LMO7: variants seen among roughly 807,000 people sequenced by gnomAD.
LMO7 encodes the protein LIM domain 7.
In LMO7, 120 loss-of-function variants were observed where a neutral mutation model predicts 206.5. The observed-to-expected ratio is 0.58, with a 90% confidence interval of 0.50 to 0.68. The LOEUF is 0.68. Ranked by LOEUF, LMO7 falls within the 30% of genes least tolerant of loss-of-function variation. LMO7 has a pLI of 0.00. For missense variants in LMO7, 1,959 were observed against 1,957.9 expected (o/e 1.00, Z -0.01); for synonymous variants, 706 against 681.5 (o/e 1.04, Z -0.56).
chr13:75,700,863 A>G lies in LMO7; in HGVS notation c.70-12319A>G, dbSNP rs1225217261. On this transcript the variant is annotated intron_variant, in intron 1 of 30. Coordinates refer to ENST00000377534, the MANE Select transcript of LMO7 (RefSeq NM_001306080.2). Reference sequence around the variant, plus strand: ...AAAACTTAAGAATTGTTTATTTCTGAAATCTTCCTTTTAATATTTCTGGAC... The same window carrying G: ...AAAACTTAAGAATTGTTTATTTCTGGAATCTTCCTTTTAATATTTCTGGAC... 1.4e-4 allele frequency among the ~76,000 whole-genome samples: 21 copies of G among 152,326 alleles called. No individual in the cohort carries two copies. In the East Asian group the frequency reaches 3.5e-3, roughly 25 times the overall value.
intron 1 of LMO7, among the ~76,000 whole-genome samples, chr13:75,680,094 T>C: frequency 6.6e-6 from 1 of 152,168 alleles, no homozygotes; most frequent in Admixed American, 6.5e-5. Flanking sequence ...TTCCCCTCCC[T>C]GTGTCCATGT....
chr13:75,726,482 C>T (rs1352324228), intron 2 of LMO7, among the ~76,000 whole-genome samples: 3 of 151,878 alleles, frequency 2.0e-5, no homozygotes, highest in Non-Finnish European at 2.9e-5. Context: ...TTTGCCCAGT[C>T]GTTCTGCTGC....
At chr13:75,688,061 T>C (rs1406544762) in intron 1 of LMO7, among the ~76,000 whole-genome samples, 1 of 152,186 alleles carries the variant, frequency 6.6e-6, no homozygotes, top group Non-Finnish European at 1.5e-5. Flanking sequence ...ACGTAAGATG[T>C]GCCCTTCTCC....
In LMO7 at chr13:75,843,691, T is replaced by A. The variant is rs142370068; in HGVS notation, c.4097+775T>A. 3.4e-3 allele frequency among the ~76,000 whole-genome samples: 516 copies of A among 152,298 alleles called. 7 individuals carry two copies. Among genetic ancestry groups the A allele is most frequent in the African/African-American group, 0.012 (506 of 41,562 alleles). ...TGTATCTTAAAATTTCCTAAAACATTGTTTTAATGTTTTAAAGCAATTTTT... is the reference window on the plus strand; with the variant it reads ...TGTATCTTAAAATTTCCTAAAACATAGTTTTAATGTTTTAAAGCAATTTTT... On this transcript the variant is annotated intron_variant, in intron 25 of 30. Transcript: ENST00000377534.
chr13:75,655,767 G>A (rs2139194388), intron 1 of LMO7, among the ~76,000 whole-genome samples: 1 of 151,694 alleles, frequency 6.6e-6, no homozygotes, highest in Admixed American at 6.6e-5. Context: ...GTTGTCACCT[G>A]TGTCTTCCAG....
chr13:75,856,627 G>A lies in LMO7; in HGVS notation c.4873+19G>A. 6.6e-7 allele frequency: 1 copy of A among 1,521,230 alleles called. No individual in the cohort carries two copies. Among genetic ancestry groups the A allele is most frequent in the Non-Finnish European group, 9.1e-7 (1 of 1,096,068 alleles). The allele number at this position is 1,521,230 out of a possible 1,614,324, so 94.2% of individuals were successfully genotyped here. A position where few individuals can be genotyped will look rare whatever the true frequency, so the allele number is the denominator to read the frequency against. ...TTCAAATGTAAGAGAGCAAATCAGA[G>A]AGAAAATTTCTTGCCTTTTAAGGAG... On this transcript the variant is annotated intron_variant, in intron 30 of 30. Coordinates refer to ENST00000377534, the MANE Select transcript of LMO7 (RefSeq NM_001306080.2).
chr13:75,721,724 G>A (rs898201975), intron 2 of LMO7, among the ~76,000 whole-genome samples: 2 of 152,064 alleles, frequency 1.3e-5, no homozygotes, highest in Admixed American at 6.6e-5. Flanking sequence ...TTGATTGATG[G>A]GCATTTGGGC....
At chr13:75,752,580 A>AC (rs1158310939) in intron 3 of LMO7, among the ~76,000 whole-genome samples, 1 of 151,462 alleles carries the variant, frequency 6.6e-6, no homozygotes, top group African/African-American at 2.4e-5. Flanking sequence ...CCCATCATCC[A>AC]CCCCCTTCCC....
chr13:75,742,874 G>T (rs2139216381), intron 3 of LMO7, among the ~76,000 whole-genome samples: 1 of 152,286 alleles, frequency 6.6e-6, no homozygotes, highest in Middle Eastern at 3.4e-3. Flanking sequence ...TTGACAAATG[G>T]GATGTAATTA....
At chr13:75,840,028 T>C (rs1227058936) in intron 20 of LMO7, 57 bp from the exon 21 acceptor site, 2 of 1,536,828 alleles carry the variant, frequency 1.3e-6, no homozygotes, top group African/African-American at 1.4e-5. Context: ...AATTATTTCA[T>C]AGAAATGAAG....
intron 3 of LMO7, among the ~76,000 whole-genome samples, chr13:75,739,049 G>GA: frequency 6.6e-6 from 1 of 152,262 alleles, no homozygotes; most frequent in South Asian, 2.1e-4. Flanking sequence ...CCCCATTTGT[G>GA]ACAGTTAAAA....
intron 1 of LMO7, among the ~76,000 whole-genome samples, chr13:75,688,311 A>T (rs2041182361): frequency 6.6e-6 from 1 of 152,208 alleles, no homozygotes; most frequent in South Asian, 2.1e-4. Context: ...ATTGTTAAAA[A>T]TCCTGCCATT....
intron 3 of LMO7, among the ~76,000 whole-genome samples, chr13:75,752,451 T>A (rs1344799370): frequency 6.6e-6 from 1 of 152,078 alleles, no homozygotes; most frequent in Non-Finnish European, 1.5e-5. Flanking sequence ...TTTAAAAAAA[T>A]TTATATTCAT....
chr13:75,787,930 G>A (rs1026482095), intron 4 of LMO7, among the ~76,000 whole-genome samples: 5 of 152,148 alleles, frequency 3.3e-5, no homozygotes, highest in Admixed American at 1.3e-4. Flanking sequence ...CATATCTCTT[G>A]TTTGACATAG....
intron 1 of LMO7, among the ~76,000 whole-genome samples, chr13:75,676,103 G>A (rs994837529): frequency 2.0e-5 from 3 of 152,188 alleles, no homozygotes; most frequent in Non-Finnish European, 4.4e-5. Flanking sequence ...TTAGCATCCT[G>A]CCTGGAGCGT....
At chr13:75,737,778 A>G (rs200952480) in intron 3 of LMO7, among the ~76,000 whole-genome samples, 643 of 15,234 alleles carry the variant, frequency 0.042, 18 homozygotes, top group Non-Finnish European at 0.062. Flanking sequence ...AAAATAAAAT[A>G]AAATAAAAAA....
chr13:75,776,199 AT>A (rs1566434230), intron 4 of LMO7, among the ~76,000 whole-genome samples: 12 of 107,890 alleles, frequency 1.1e-4, no homozygotes, highest in Non-Finnish European at 1.9e-4. Flanking sequence ...ATATATATAT[AT>A]ATATAACGTT....
intron 1 of LMO7, among the ~76,000 whole-genome samples, chr13:75,695,449 C>T (rs765166273): frequency 1.3e-5 from 2 of 152,240 alleles, no homozygotes; most frequent in South Asian, 2.1e-4. Flanking sequence ...CGGGTTCAAG[C>T]GATTCTCCTG....
chr13:75,770,289 T>C (rs1475358733), intron 4 of LMO7, among the ~76,000 whole-genome samples: 2 of 151,928 alleles, frequency 1.3e-5, no homozygotes, highest in East Asian at 1.9e-4. Context: ...TAGAGCTTTT[T>C]GTCCAGGGTA....
Sources: allele counts gnomAD v4.1 joint callset (sites outside exome capture counted in the v4.1 genomes callset), GRCh38; gene constraint gnomAD v4.1.1; transcripts MANE v1.5; gene names NCBI Gene and HGNC (gene_info 2026-07-23, HGNC 2026-07-21).